RERE: variants seen among roughly 807,000 people sequenced by gnomAD.
RERE encodes arginine-glutamic acid dipeptide repeats, also known as arginine-glutamic acid dipeptide repeats protein.
RERE carries 40 observed loss-of-function variants against 146.1 expected under a neutral mutation model. The ratio of observed to expected loss-of-function variants is 0.27; its 90% confidence interval spans 0.21 to 0.36. RERE has a LOEUF of 0.36. Among genes scored for constraint, RERE ranks in the 10% least tolerant of loss-of-function variants. The pLI is 1.00. For missense variants in RERE, 1,933 were observed against 2,138.7 expected (o/e 0.90, Z 1.90); for synonymous variants, 1,003 against 866.0 (o/e 1.16, Z -2.78).
chr1:8,630,165 T>G (rs1647018608), intron 2 of RERE, among the ~76,000 whole-genome samples: 1 of 151,482 alleles, frequency 6.6e-6, no homozygotes. Context: ...ACACAAAGAG[T>G]GTATATGTTA....
chr1:8,804,097 G>A (rs1423543951), intron 1 of RERE, among the ~76,000 whole-genome samples: 2 of 152,110 alleles, frequency 1.3e-5, no homozygotes, highest in African/African-American at 4.8e-5. Context: ...TAAAAATTAA[G>A]TCTCAACAAG....
At chr1:8,355,377 G>A in intron 22 of RERE, 42 bp downstream of exon 22, 2 of 1,596,414 alleles carry the variant, frequency 1.3e-6, no homozygotes, top group Non-Finnish European at 1.7e-6. Flanking sequence ...GGGAGCCTGG[G>A]CTCAGATAAC....
intron 1 of RERE, among the ~76,000 whole-genome samples, chr1:8,666,421 T>C (rs1252771886): frequency 1.3e-5 from 2 of 152,244 alleles, no homozygotes; most frequent in African/African-American, 4.8e-5. Context: ...CATCTTACTC[T>C]GCTAGCCCTG....
chr1:8,507,197 CAGG>C (rs1365709480), intron 8 of RERE, among the ~76,000 whole-genome samples: 1 of 152,154 alleles, frequency 6.6e-6, no homozygotes, highest in African/African-American at 2.4e-5. Context: ...TGCTTCAGCC[CAGG>C]AGGAGGTCAA....
chr1:8,618,205 G>A (rs914696160), intron 3 of RERE, among the ~76,000 whole-genome samples: 1 of 152,194 alleles, frequency 6.6e-6, no homozygotes, highest in Non-Finnish European at 1.5e-5. Context: ...ATCACAATCA[G>A]TGTCATTCTA....
At chr1:8,551,282 T>C (rs1645932882) in intron 6 of RERE, among the ~76,000 whole-genome samples, 1 of 152,184 alleles carries the variant, frequency 6.6e-6, no homozygotes, top group Non-Finnish European at 1.5e-5. Flanking sequence ...CCAAGAATGT[T>C]CCCCAGGTCA....
intron 2 of RERE, among the ~76,000 whole-genome samples, chr1:8,633,982 T>C (rs1024034791): frequency 6.6e-6 from 1 of 151,878 alleles, no homozygotes; most frequent in Non-Finnish European, 1.5e-5. Flanking sequence ...CAAACAGTAA[T>C]AAGGTAAGGA....
intron 6 of RERE, among the ~76,000 whole-genome samples, chr1:8,542,658 C>CAACTA (rs1416558281): frequency 1.3e-5 from 2 of 152,090 alleles, no homozygotes; most frequent in Non-Finnish European, 2.9e-5. Context: ...GACCCCATCT[C>CAACTA]ACCACACCTG....
chr1:8,747,545 A>G lies in RERE; in HGVS notation c.-145+69615T>C, dbSNP rs138941732. 6.1e-3 allele frequency among the ~76,000 whole-genome samples: 923 copies of G among 152,256 alleles called. 6 individuals are homozygous for G. The highest frequency in any genetic ancestry group is 7.2e-3 in the Non-Finnish European group (490 of 68,036). ...ACAGATAAATCAACACATGATATTC[A>G]TACTTGATTTACTGAGTATCTACTA... is the stretch of plus-strand genomic sequence containing the variant. On this transcript the variant is annotated intron_variant, in intron 1 of 22. Coordinates refer to ENST00000400908, the MANE Select transcript of RERE (RefSeq NM_001042681.2).
rs759228432 is a variant in RERE at position 8,358,580 on chromosome 1, G to GCTCACGCTCCCGGAT, written c.3954_3955insATCCGGGAGCGTGAG (p.Ile1314_Glu1318dup). On this transcript the variant is annotated inframe_insertion, in exon 20 of 23. Transcript: ENST00000400908. Reference sequence around the variant, plus strand: ...AAGCCCGGCTTCATCCTCTCCCGCAGCTCCCGCTCTCGGATCTCCCGCTCT... The same window carrying GCTCACGCTCCCGGAT: ...AAGCCCGGCTTCATCCTCTCCCGCAGCTCACGCTCCCGGATCTCCCGCTCTCGGATCTCCCGCTCT... 4.0e-5 allele frequency: 64 copies of GCTCACGCTCCCGGAT among 1,605,666 alleles called. 1 individual carries two copies. The highest frequency in any genetic ancestry group is 3.3e-4 in the East Asian group (15 of 44,830).
intron 12 of RERE, among the ~76,000 whole-genome samples, chr1:8,420,756 G>C (rs1431893400): frequency 6.6e-6 from 1 of 152,236 alleles, no homozygotes. Flanking sequence ...GAAGGGAGAA[G>C]AGCTACAGCG....
intron 12 of RERE, among the ~76,000 whole-genome samples, chr1:8,366,335 T>G (rs1641802609): frequency 6.6e-6 from 1 of 152,240 alleles, no homozygotes. Context: ...ACGAGGAGCT[T>G]ACATTCTAGC....
chr1:8,750,290 T>C lies in RERE; in HGVS notation c.-145+66870A>G, dbSNP rs1640505565. On this transcript the variant is annotated intron_variant, in intron 1 of 22. Coordinates refer to ENST00000400908, the MANE Select transcript of RERE (RefSeq NM_001042681.2). Reference sequence around the variant, plus strand: ...TGTTCAATAAATGAATGCTTCAATATCAAGGTAACGGAAGATGAGGGCTAA... The same window carrying C: ...TGTTCAATAAATGAATGCTTCAATACCAAGGTAACGGAAGATGAGGGCTAA... 6 of 542,584 alleles carry C rather than the reference T, an allele frequency of 1.1e-5. No homozygotes were observed. In the East Asian group the frequency reaches 1.6e-4, roughly 15 times the overall value. The allele number at this position is 542,584 out of a possible 1,614,324, so 33.6% of individuals were successfully genotyped here.
intron 12 of RERE, among the ~76,000 whole-genome samples, chr1:8,388,201 A>G (rs991359342): frequency 6.6e-6 from 1 of 152,246 alleles, no homozygotes; most frequent in Non-Finnish European, 1.5e-5. Context: ...CAATACACAT[A>G]TATGAGGCAA....
At chr1:8,683,241 A>C (rs1639013658) in intron 1 of RERE, among the ~76,000 whole-genome samples, 1 of 152,126 alleles carries the variant, frequency 6.6e-6, no homozygotes, top group South Asian at 2.1e-4. Context: ...TAGGAATCCT[A>C]CAAGTCTATA....
chr1:8,468,877 A>G (rs923118757), intron 10 of RERE, among the ~76,000 whole-genome samples: 3 of 151,898 alleles, frequency 2.0e-5, no homozygotes, highest in African/African-American at 7.3e-5. Context: ...AGTCCGGGTG[A>G]CAGAGTGAAA....
intron 1 of RERE, among the ~76,000 whole-genome samples, chr1:8,738,032 A>AT (rs1428102981): frequency 1.3e-5 from 2 of 152,142 alleles, no homozygotes; most frequent in Non-Finnish European, 2.9e-5. Context: ...AGTGTGTCCA[A>AT]TTTTTGTCCC....
chr1:8,423,716 G>A lies in RERE; in HGVS notation c.1204-909C>T. 3 of 980,220 alleles carry A rather than the reference G, an allele frequency of 3.1e-6. No individual in the cohort carries two copies. The highest frequency in any genetic ancestry group is 3.6e-6 in the Non-Finnish European group (3 of 827,566). 60.7% of individuals were successfully genotyped at this position (980,220 alleles called of 1,614,324 possible). A position where few individuals can be genotyped will look rare whatever the true frequency, so the allele number is the denominator to read the frequency against. On this transcript the variant is annotated intron_variant, in intron 11 of 22. Transcript: ENST00000400908. This position sits in a 1 kb window ranked among gnomAD's most constrained non-coding sequence, Gnocchi z 5.4. ...CGCGGGTGGCTCGGCGTGTGACCGC[G>A]GCGGGGCCGCGCGGCGCGGGGCCCG... is the stretch of plus-strand genomic sequence containing the variant.
intron 1 of RERE, among the ~76,000 whole-genome samples, chr1:8,713,430 A>AT (rs956381304): frequency 3.3e-5 from 5 of 152,126 alleles, no homozygotes; most frequent in Non-Finnish European, 5.9e-5. Flanking sequence ...TAAGAAAAAA[A>AT]TTTTTTTTAA....
Sources: gnomAD v4.1 joint callset for allele counts (sites outside exome capture counted in the v4.1 genomes callset) on GRCh38, gnomAD v4.1.1 for gene constraint, Gnocchi (gnomAD v3.1) non-coding constraint, MANE v1.5 for transcripts, NCBI Gene and HGNC (gene_info 2026-07-23, HGNC 2026-07-21) for gene names.